The following SEC24A variants were observed in gnomAD, a reference collection of about 807,000 sequenced individuals.
SEC24A encodes SEC24 homolog A, COPII component.
In SEC24A, 93 loss-of-function variants were observed where a neutral mutation model predicts 129.4. The ratio of observed to expected loss-of-function variants is 0.72; its 90% CI spans 0.61 to 0.85. The LOEUF is 0.85. SEC24A is among the 40% of genes least tolerant of loss of function. The pLI is 0.00. For synonymous variants in SEC24A, 460 were observed against 467.3 expected (o/e 0.98, Z 0.20); for missense variants, 1,264 against 1,307.4 (o/e 0.97, Z 0.51).
chr5:134,695,730 G>T (rs947158842), intron 13 of SEC24A, among the ~76,000 whole-genome samples: 2 of 151,958 alleles, frequency 1.3e-5, no homozygotes, highest in African/African-American at 4.8e-5. Context: ...AGTGAGCTGA[G>T]ATTGTGCCAC....
intron 14 of SEC24A, among the ~76,000 whole-genome samples, chr5:134,697,645 G>C (rs1751868903): frequency 6.6e-6 from 1 of 152,086 alleles, no homozygotes; most frequent in Non-Finnish European, 1.5e-5. Flanking sequence ...GGTCCCAGCT[G>C]CCTGGAAGGC....
chr5:134,694,243 T>TG (rs1751749934), intron 13 of SEC24A, among the ~76,000 whole-genome samples: 1 of 152,096 alleles, frequency 6.6e-6, no homozygotes, highest in African/African-American at 2.4e-5. Flanking sequence ...TAGTCTTATT[T>TG]GGCTGGGCGT....
In SEC24A at chr5:134,682,403, C is replaced by A; in HGVS notation, c.1412C>A (p.Thr471Asn). The A allele has an allele frequency of 6.2e-7, 1 of 1,605,052 alleles. No homozygotes were observed. The highest frequency in any genetic ancestry group is 8.5e-7 in the Non-Finnish European group (1 of 1,172,208). ...VPEEFLYNPL[T>N]RVYGEPHRRP... ...GAAGAATTCTTGTACAACCCTTTGA[C>A]CAGAGTTTATGGAGAACCTCACAGA... The change falls in exon 9 of 23, where the codon ACC becomes AAC. Residue 471 changes from threonine to asparagine, a missense_variant. Transcript: ENST00000398844.
chr5:134,723,697 A>G (rs749180213), intron 22 of SEC24A, 27 bp downstream of exon 22: 7 of 1,400,478 alleles, frequency 5.0e-6, no homozygotes, highest in Non-Finnish European at 7.1e-6. Context: ...ATTTGCTAGT[A>G]GTAAAACAAT....
intron 19 of SEC24A, among the ~76,000 whole-genome samples, chr5:134,717,032 A>C (rs536788281): frequency 6.6e-6 from 1 of 150,822 alleles, no homozygotes; most frequent in African/African-American, 2.4e-5. Flanking sequence ...GGCGTGCACC[A>C]CCACATCTTG....
At position 134,686,825 on chromosome 5, in the gene SEC24A, A is replaced by G; in HGVS notation, c.1527A>G (p.Val509=). Residue 509 remains valine, a synonymous_variant, in exon 10 of 23, where the codon GTA becomes GTG. Coordinates refer to ENST00000398844, the MANE Select transcript of SEC24A (RefSeq NM_021982.3). The stretch of plus-strand genomic sequence containing the variant: ...CTCAGCCTCCAGTGTATCTCTTTGT[A>G]TTTGATGTGTCTCACAATGCAGTCG... ...RPPQPPVYLF[V]FDVSHNAVET... 2 of 1,609,580 alleles carry G rather than the reference A, an allele frequency of 1.2e-6. No homozygotes were observed. Among genetic ancestry groups the G allele is most frequent in the East Asian group, 2.2e-5 (1 of 44,660 alleles).
intron 11 of SEC24A, 91 bp downstream of exon 11, chr5:134,688,390 T>G (rs747114383): frequency 2.5e-5 from 19 of 768,926 alleles, no homozygotes; most frequent in Non-Finnish European, 3.8e-5. Context: ...GTTTGTAGTA[T>G]GTCAAGGAAA....
At chr5:134,714,032 G>A (rs1752407924) in intron 18 of SEC24A, among the ~76,000 whole-genome samples, 1 of 150,744 alleles carries the variant, frequency 6.6e-6, no homozygotes, top group African/African-American at 2.4e-5. Flanking sequence ...ACAGAGGGAG[G>A]CTCCGTCACA....
intron 1 of SEC24A, among the ~76,000 whole-genome samples, chr5:134,651,263 A>G (rs921977962): frequency 1.4e-5 from 2 of 147,988 alleles, no homozygotes; most frequent in South Asian, 2.1e-4. Context: ...CATTTTTTAT[A>G]TAAGTATATA....
At chr5:134,654,824 C>G (rs1750185291) in intron 1 of SEC24A, among the ~76,000 whole-genome samples, 1 of 152,150 alleles carries the variant, frequency 6.6e-6, no homozygotes, top group African/African-American at 2.4e-5. Context: ...TCAAGCAATC[C>G]TCCTGCTTCA....
At chr5:134,668,274 C>T (rs553366230) in intron 3 of SEC24A, among the ~76,000 whole-genome samples, 6 of 152,112 alleles carry the variant, frequency 3.9e-5, no homozygotes, top group Admixed American at 2.6e-4. Context: ...TATTATAAGT[C>T]GGGAAAAGAA....
intron 2 of SEC24A, among the ~76,000 whole-genome samples, chr5:134,662,273 GCCTC>G (rs1248962483): frequency 6.6e-6 from 1 of 151,978 alleles, no homozygotes; most frequent in East Asian, 1.9e-4. Flanking sequence ...TCCTGCCTCA[GCCTC>G]CCGAGTAGCT....
At position 134,674,704 on chromosome 5, in the gene SEC24A, ACAC is replaced by A; in HGVS notation, c.912_914del (p.Pro305del). On this transcript the variant is annotated inframe_deletion, in exon 5 of 23. Coordinates refer to ENST00000398844, the MANE Select transcript of SEC24A (RefSeq NM_021982.3). ...CTTACCACCTGGTTATCAGAACACA[ACAC>A]CACCTGGTGCAACTGGAGTACCACC... The A allele has an allele frequency of 6.2e-7, 1 of 1,614,052 alleles. No individual in the cohort carries two copies. The highest frequency in any genetic ancestry group is 8.5e-7 in the Non-Finnish European group (1 of 1,179,928).
chr5:134,661,440 A>G lies in SEC24A; in HGVS notation c.419A>G (p.Tyr140Cys), dbSNP rs1750457213. The G allele has an allele frequency of 1.9e-6, 3 of 1,614,186 alleles. No individual in the cohort carries two copies. Among genetic ancestry groups the G allele is most frequent in the South Asian group, 2.2e-5 (2 of 91,090 alleles). ...ANLPPPLNWQYNYPSTASQTN... is the reference protein window; with the variant it reads ...ANLPPPLNWQCNYPSTASQTN... ...CTGCCACCACCTTTGAATTGGCAAT[A>G]TAACTATCCATCCACAGCCTCACAA... Residue 140 changes from tyrosine to cysteine, a missense_variant, in exon 2 of 23, where the codon TAT (tyrosine) becomes TGT (cysteine). Physicochemically the swap from Tyr to Cys is radical, Grantham distance 194. Transcript: ENST00000398844.
At chr5:134,714,014 C>G (rs1012791218) in intron 18 of SEC24A, among the ~76,000 whole-genome samples, 1 of 151,940 alleles carries the variant, frequency 6.6e-6, no homozygotes, top group African/African-American at 2.4e-5. Context: ...TACACTCCAG[C>G]CTTGGCGACA....
intron 4 of SEC24A, among the ~76,000 whole-genome samples, chr5:134,672,662 G>T (rs1750907607): frequency 6.6e-6 from 1 of 151,964 alleles, no homozygotes; most frequent in Non-Finnish European, 1.5e-5. Context: ...CTATGCATTA[G>T]ATTTTTTGTT....
At chr5:134,707,268 A>G (rs1752192807) in intron 17 of SEC24A, among the ~76,000 whole-genome samples, 3 of 152,018 alleles carry the variant, frequency 2.0e-5, no homozygotes, top group African/African-American at 7.3e-5. Flanking sequence ...TTAGTCTTTT[A>G]TGTTGTTAGA....
chr5:134,693,373 A>C (rs1160940455), intron 12 of SEC24A: 2 of 1,360,610 alleles, frequency 1.5e-6, no homozygotes, highest in Non-Finnish European at 1.9e-6. Flanking sequence ...TCGCTTTGGA[A>C]CTTACAAGAA....
chr5:134,671,587 ACT>A (rs1289310104), intron 3 of SEC24A, among the ~76,000 whole-genome samples: 2 of 152,024 alleles, frequency 1.3e-5, no homozygotes, highest in Non-Finnish European at 2.9e-5. Context: ...GTGAAAAAAG[ACT>A]CTTTCCAAAG....
Sources: allele counts gnomAD v4.1 joint callset (sites outside exome capture counted in the v4.1 genomes callset), GRCh38; gene constraint gnomAD v4.1.1; transcripts MANE v1.5; gene names NCBI Gene and HGNC (gene_info 2026-07-23, HGNC 2026-07-21).